Variants in SGCD observed in about 807,000 individuals in gnomAD.
The protein encoded by SGCD is sarcoglycan delta, also known as delta-sarcoglycan.
In SGCD, 18 loss-of-function variants were observed where a neutral mutation model predicts 36.6. The observed-to-expected ratio is 0.49, with a 90% CI of 0.34 to 0.73. SGCD has a LOEUF of 0.73. Among genes scored for constraint, SGCD ranks in the 30% least tolerant of loss-of-function variants. SGCD has a pLI of 0.01. For missense variants in SGCD, 387 were observed against 346.7 expected, an observed-to-expected ratio of 1.12 and a Z score of -0.92; for synonymous variants, 133 against 130.6, an observed-to-expected ratio of 1.02 and a Z score of -0.12.
At chr5:156,032,916 A>C (rs1490504305) in intron 1 of SGCD, among the ~76,000 whole-genome samples, 1 of 151,410 alleles carries the variant, frequency 6.6e-6, no homozygotes, top group Non-Finnish European at 1.5e-5. Context: ...CACAAAAATT[A>C]AAATAAAAAC....
intron 3 of SGCD, among the ~76,000 whole-genome samples, chr5:156,388,032 T>C (rs1269314134): frequency 2.0e-5 from 3 of 152,334 alleles, no homozygotes; most frequent in African/African-American, 7.2e-5. Flanking sequence ...AAATTATCTT[T>C]TCAGGCTCAG....
At chr5:156,299,375 G>A (rs941092254) in intron 3 of SGCD, among the ~76,000 whole-genome samples, 2 of 151,556 alleles carry the variant, frequency 1.3e-5, no homozygotes, top group African/African-American at 4.8e-5. Flanking sequence ...AGGTTCTTAT[G>A]GTTTTGTTCT....
At chr5:156,000,849 A>G (rs1198336065) in intron 1 of SGCD, among the ~76,000 whole-genome samples, 2 of 151,260 alleles carry the variant, frequency 1.3e-5, no homozygotes, top group Admixed American at 6.6e-5. Context: ...TTTTTATTTT[A>G]TGTCTGGGAT....
intron 1 of SGCD, among the ~76,000 whole-genome samples, chr5:156,025,140 T>A (rs1247218174): frequency 6.6e-6 from 1 of 152,152 alleles, no homozygotes; most frequent in Non-Finnish European, 1.5e-5. Context: ...CCAGAGCAAC[T>A]GGTTTCCGTG....
intron 3 of SGCD, among the ~76,000 whole-genome samples, chr5:156,302,596 A>C (rs1020425278): frequency 6.6e-6 from 1 of 152,172 alleles, no homozygotes; most frequent in Non-Finnish European, 1.5e-5. Flanking sequence ...ATATTTGTGC[A>C]TTAAATATTT....
the SGCD span, among the ~76,000 whole-genome samples, chr5:155,799,609 C>T: frequency 3.3e-5 from 5 of 150,396 alleles, no homozygotes; most frequent in South Asian, 2.1e-4. Context: ...TTGGCCAGGC[C>T]GGTCTTGAAC....
At chr5:155,829,028 C>T in the SGCD span, among the ~76,000 whole-genome samples, 9 of 152,016 alleles carry the variant, frequency 5.9e-5, no homozygotes, top group Non-Finnish European at 7.4e-5. Context: ...TTGCATGGTT[C>T]GGTCCTAATG....
At chr5:155,912,607 C>T (rs146566530) in intron 1 of SGCD, among the ~76,000 whole-genome samples, 375 of 152,222 alleles carry the variant, frequency 2.5e-3, no homozygotes, top group African/African-American at 8.2e-3. Flanking sequence ...ATTTTAAGCA[C>T]AACTAGGGAG....
chr5:156,412,911 T>C (rs927778938), intron 3 of SGCD, among the ~76,000 whole-genome samples: 1 of 150,688 alleles, frequency 6.6e-6, no homozygotes, highest in African/African-American at 2.4e-5. Context: ...TTCTCCTGCC[T>C]CAGCCTCCTG....
the SGCD span, among the ~76,000 whole-genome samples, chr5:155,816,076 A>G: frequency 6.6e-6 from 1 of 152,172 alleles, no homozygotes; most frequent in African/African-American, 2.4e-5. Flanking sequence ...GGGAGAGAAG[A>G]TTTGTTCTTT....
chr5:156,283,974 T>C (rs547590993), intron 3 of SGCD, among the ~76,000 whole-genome samples: 2 of 152,330 alleles, frequency 1.3e-5, no homozygotes, highest in South Asian at 4.1e-4. Flanking sequence ...TCTTGAATTG[T>C]TAATTTGTGT....
At chr5:156,551,229 T>C (rs1758778313) in intron 4 of SGCD, among the ~76,000 whole-genome samples, 1 of 152,214 alleles carries the variant, frequency 6.6e-6, no homozygotes, top group Admixed American at 6.5e-5. Flanking sequence ...CTGCCAAAAT[T>C]ACCACAATTT....
At chr5:156,271,112 C>A (rs1766165214) in intron 3 of SGCD, among the ~76,000 whole-genome samples, 2 of 152,092 alleles carry the variant, frequency 1.3e-5, no homozygotes, top group Non-Finnish European at 2.9e-5. Flanking sequence ...TTAAGTTTTT[C>A]TGCAATAGTA....
At chr5:156,119,145 A>G (rs1301251874) in intron 2 of SGCD, among the ~76,000 whole-genome samples, 1 of 152,136 alleles carries the variant, frequency 6.6e-6, no homozygotes, top group Non-Finnish European at 1.5e-5. Context: ...GTGTGCCTTT[A>G]CTATTCTCAG....
chr5:156,435,934 A>G lies in SGCD; in HGVS notation c.193-72667A>G, dbSNP rs536806144. Among the ~76,000 whole-genome samples, 37 of 152,240 alleles carry G rather than the reference A, an allele frequency of 2.4e-4. No homozygotes were observed. The South Asian group carries it at 7.1e-3, about 29-fold the overall frequency. On this transcript the variant is annotated intron_variant, in intron 3 of 8. Coordinates refer to ENST00000337851, the MANE Select transcript of SGCD (RefSeq NM_000337.6). ...CTGTTTGCCGTTATCTTGAGCTGGT[A>G]AAATTCTATTCATCTTTCAGCACTC...
At chr5:156,145,064 A>T (rs1180758638) in intron 3 of SGCD, among the ~76,000 whole-genome samples, 6 of 152,168 alleles carry the variant, frequency 3.9e-5, no homozygotes. Context: ...CCTCACCCAA[A>T]TCTCATGTGG....
intron 1 of SGCD, among the ~76,000 whole-genome samples, chr5:155,911,622 C>T (rs1004900148): frequency 2.0e-5 from 3 of 152,064 alleles, no homozygotes; most frequent in African/African-American, 4.8e-5. Context: ...TATTTTGCTA[C>T]TTCCCTGGCT....
At chr5:155,788,179 A>C in the SGCD span, among the ~76,000 whole-genome samples, 1 of 152,294 alleles carries the variant, frequency 6.6e-6, no homozygotes, top group South Asian at 2.1e-4. Flanking sequence ...AGATTTCTTC[A>C]CATGCAACAT....
intron 3 of SGCD, among the ~76,000 whole-genome samples, chr5:156,306,994 C>T (rs978548158): frequency 6.7e-6 from 1 of 150,286 alleles, no homozygotes; most frequent in Non-Finnish European, 1.5e-5. Flanking sequence ...ATTAATATAA[C>T]CACCTGTGGT....
Sources: allele counts gnomAD v4.1 joint callset (sites outside exome capture counted in the v4.1 genomes callset), GRCh38; gene constraint gnomAD v4.1.1; transcripts MANE v1.5; gene names NCBI Gene and HGNC (gene_info 2026-07-23, HGNC 2026-07-21).